The following FBXO34 variants were observed in gnomAD, a reference collection of about 807,000 sequenced individuals.
The protein encoded by FBXO34 is F-box only protein 34.
A neutral mutation model predicts 24.5 loss-of-function variants in FBXO34; 12 were observed. The observed-to-expected ratio is 0.49, with a 90% CI of 0.31 to 0.79. FBXO34 has a LOEUF of 0.79. FBXO34 is among the 30% of genes least tolerant of loss of function. The pLI is 0.04. For missense variants in FBXO34, 823 were observed against 857.7 expected, an observed-to-expected ratio of 0.96 and a Z score of 0.51; for synonymous variants, 320 against 311.9, an observed-to-expected ratio of 1.03 and a Z score of -0.27.
At position 55,352,197 on chromosome 14, in the gene FBXO34, T is replaced by C; in HGVS notation, c.1807T>C (p.Cys603Arg). The C allele has an allele frequency of 6.2e-7, 1 of 1,614,182 alleles. No individual in the cohort carries two copies. Among genetic ancestry groups the C allele is most frequent in the Non-Finnish European group, 8.5e-7 (1 of 1,180,032 alleles). ...TTTAGTGGCCCTTAAATGTACCTGC[T>C]GCTATTTCAAGTTTATCATTGAGTA... ...KSLVALKCTC[C>R]YFKFIIEYYN... The change falls in exon 2 of 2, where the codon TGC (cysteine) becomes CGC (arginine). Residue 603 changes from cysteine (C) to arginine (R), a missense_variant. Cys to Arg is a radical substitution (Grantham distance 180). Transcript: ENST00000313833.
chr14:55,393,434 G>GA, the FBXO34 span, among the ~76,000 whole-genome samples: 2 of 151,526 alleles, frequency 1.3e-5, no homozygotes, highest in South Asian at 2.1e-4. Context: ...TTACTGTTGT[G>GA]AAAAAAAATT....
In FBXO34 at chr14:55,350,959, A is replaced by G; in HGVS notation, c.569A>G (p.His190Arg). 1 of 1,614,206 alleles carries G rather than the reference A, an allele frequency of 6.2e-7. No individual in the cohort carries two copies. Among genetic ancestry groups the G allele is most frequent in the Non-Finnish European group, 8.5e-7 (1 of 1,180,030 alleles). The change falls in exon 2 of 2, where the codon CAC (histidine) becomes CGC (arginine). Residue 190 changes from histidine to arginine, a missense_variant. By Grantham distance (29) the His-to-Arg change is conservative (BLOSUM62 0). Coordinates refer to ENST00000313833, the MANE Select transcript of FBXO34 (RefSeq NM_017943.4). ...TGTGGCATTGAGCACTGTTCTGTGC[A>G]CTATGTGAGTGACAGTGGGGATGGA... ...FACGIEHCSV[H>R]YVSDSGDGVY...
At chr14:55,353,982 C>G, downstream of FBXO34, among the ~76,000 whole-genome samples, 1 of 152,136 alleles carries the variant, frequency 6.6e-6, no homozygotes, top group Non-Finnish European at 1.5e-5. Context: ...GGTGGAAGAT[C>G]TAAAAACTAG....
intron 1 of FBXO34, among the ~76,000 whole-genome samples, chr14:55,343,958 C>T (rs894428172): frequency 3.3e-5 from 5 of 152,148 alleles, no homozygotes; most frequent in African/African-American, 1.2e-4. Context: ...GTTTTCTTTT[C>T]TTTACTTTTT....
chr14:55,383,570 A>AAAC, the FBXO34 span, among the ~76,000 whole-genome samples: 76 of 151,726 alleles, frequency 5.0e-4, no homozygotes, highest in South Asian at 5.0e-3. Context: ...CAAAAAAACA[A>AAAC]AACAACAACA....
chr14:55,295,587 G>A (rs1266190117), intron 1 of FBXO34, among the ~76,000 whole-genome samples: 1 of 151,904 alleles, frequency 6.6e-6, no homozygotes, highest in Non-Finnish European at 1.5e-5. Context: ...GTAGAGACGG[G>A]GTTTTGCCAT....
the FBXO34 span, among the ~76,000 whole-genome samples, chr14:55,408,796 C>T: frequency 4.4e-4 from 67 of 152,198 alleles, no homozygotes; most frequent in African/African-American, 1.6e-3. Flanking sequence ...AAATAAATCA[C>T]GTACCAAGTG....
intron 1 of FBXO34, among the ~76,000 whole-genome samples, chr14:55,320,651 G>A (rs1317530896): frequency 6.6e-6 from 1 of 152,158 alleles, no homozygotes; most frequent in Admixed American, 6.5e-5. Flanking sequence ...CCAGCTACCC[G>A]GGAGGCTGAG....
At position 55,351,309 on chromosome 14, in the gene FBXO34, A is replaced by G; in HGVS notation, c.919A>G (p.Ser307Gly). Residue 307 changes from serine (S) to glycine (G), a missense_variant, in exon 2 of 2, where the codon AGC (serine) becomes GGC (glycine). Ser to Gly is a moderately conservative substitution (Grantham distance 56). Transcript: ENST00000313833. ...GCCTGGGAGCCTCTCAAGGAATAAC[A>G]GCTTCCGTCGAAATGTGGGCAGAGT... ...REPGSLSRNN[S>G]FRRNVGRVLL... 1 of 1,614,244 alleles carries G rather than the reference A, an allele frequency of 6.2e-7. No individual in the cohort carries two copies. Among genetic ancestry groups the G allele is most frequent in the East Asian group, 2.2e-5 (1 of 44,886 alleles).
intron 1 of FBXO34, among the ~76,000 whole-genome samples, chr14:55,323,252 G>T (rs1309291061): frequency 1.2e-5 from 1 of 83,216 alleles, no homozygotes; most frequent in African/African-American, 5.0e-5. Context: ...TTTTTTTAGA[G>T]ACAGAGTCTC....
chr14:55,384,168 T>C, the FBXO34 span, among the ~76,000 whole-genome samples: 1 of 152,208 alleles, frequency 6.6e-6, no homozygotes, highest in Non-Finnish European at 1.5e-5. Flanking sequence ...CAGCTTCTTT[T>C]TAAAAAATTA....
At chr14:55,334,010 A>C (rs1883687348) in intron 1 of FBXO34, among the ~76,000 whole-genome samples, 1 of 152,186 alleles carries the variant, frequency 6.6e-6, no homozygotes, top group Non-Finnish European at 1.5e-5. Flanking sequence ...TTATTGTGGA[A>C]GTGTTTGTTT....
rs559237583 is a variant in FBXO34, at chr14:55,351,558, G to A, written c.1168G>A (p.Glu390Lys). ...TTTCCACATAGACAGTGCAGAGTTA[G>A]AGCCGGGTTCGCAAACTGCCGTGAA... ...VSFHIDSAEL[E>K]PGSQTAVKNS... The change falls in exon 2 of 2, where the codon GAG becomes AAG. Residue 390 changes from glutamate to lysine, a missense_variant. Glu to Lys is a moderately conservative substitution (Grantham distance 56). This residue lies in a region of FBXO34 where 693 missense variants were observed against 659.1 expected (regional missense o/e 1.05). Coordinates refer to ENST00000313833, the MANE Select transcript of FBXO34 (RefSeq NM_017943.4). 1.9e-6 allele frequency: 3 copies of A among 1,614,178 alleles called. No individual in the cohort carries two copies. The East Asian group carries it at 6.7e-5, about 36-fold the overall frequency.
the FBXO34 span, among the ~76,000 whole-genome samples, chr14:55,442,536 C>T: frequency 6.6e-6 from 1 of 152,132 alleles, no homozygotes; most frequent in African/African-American, 2.4e-5. Flanking sequence ...ATGAAGGAAA[C>T]TGACCTTAGA....
At chr14:55,433,840 G>A in the FBXO34 span, 1 of 792,128 alleles carries the variant, frequency 1.3e-6, no homozygotes, top group South Asian at 2.3e-5. Context: ...TAAATGTCTG[G>A]GTCTTTTCTC....
the FBXO34 span, among the ~76,000 whole-genome samples, chr14:55,403,213 A>T: frequency 6.6e-6 from 1 of 152,048 alleles, no homozygotes; most frequent in Non-Finnish European, 1.5e-5. Context: ...GATTAAAAAA[A>T]TGTGAAAGCA....
At chr14:55,408,161 A>T in the FBXO34 span, among the ~76,000 whole-genome samples, 1 of 152,170 alleles carries the variant, frequency 6.6e-6, no homozygotes, top group East Asian at 1.9e-4. Context: ...AAGTTAAGAA[A>T]CTTGCTCAGG....
chr14:55,436,602 C>T, the FBXO34 span: 2 of 1,614,174 alleles, frequency 1.2e-6, no homozygotes, highest in Admixed American at 1.7e-5. Context: ...AAATAGGGGT[C>T]ATTGGTGTCA....
At chr14:55,383,725 C>G in the FBXO34 span, among the ~76,000 whole-genome samples, 5 of 152,004 alleles carry the variant, frequency 3.3e-5, no homozygotes, top group Non-Finnish European at 7.4e-5. Context: ...CCATTGCACT[C>G]CAGCCTGGGC....
Sources: allele counts gnomAD v4.1 joint callset (sites outside exome capture counted in the v4.1 genomes callset), GRCh38; gene constraint gnomAD v4.1.1; regional missense constraint gnomAD v4.1.1; transcripts MANE v1.5; gene names NCBI Gene and HGNC (gene_info 2026-07-23, HGNC 2026-07-21).